Variants in ACACA observed in about 807,000 individuals in gnomAD.
The protein encoded by ACACA is acetyl-CoA carboxylase alpha.
In ACACA, 103 loss-of-function variants were observed where a neutral mutation model predicts 296.1. The observed-to-expected ratio is 0.35, with a 90% confidence interval of 0.30 to 0.41. The LOEUF is 0.41. Ranked by LOEUF, ACACA falls within the 10% of genes least tolerant of loss-of-function variation. The pLI, the probability that ACACA is intolerant of heterozygous loss-of-function variation, is 1.00. For missense variants in ACACA, 1,554 were observed against 2,989.7 expected (o/e 0.52, Z 11.20); for synonymous variants, 953 against 1,038.6 (o/e 0.92, Z 1.58).
intron 16 of ACACA, among the ~76,000 whole-genome samples, chr17:37,250,377 C>T (rs1030891793): frequency 1.3e-5 from 2 of 152,210 alleles, no homozygotes; most frequent in Non-Finnish European, 2.9e-5. Context: ...CAGTGGCTCA[C>T]GCCTCTAATT....
intron 3 of ACACA, chr17:37,299,859 G>C (rs1055458363): frequency 4.3e-6 from 4 of 938,002 alleles, no homozygotes; most frequent in Non-Finnish European, 5.1e-6. Context: ...AAATCCAGAG[G>C]GAGGAGCACA....
intron 30 of ACACA, 67 bp from the exon 31 acceptor site, chr17:37,207,867 T>C (rs1023261759): frequency 1.9e-6 from 3 of 1,575,686 alleles, no homozygotes; most frequent in Admixed American, 3.3e-5. Flanking sequence ...AAAGTAACAG[T>C]AGGGAAAAGG....
chr17:37,097,926 C>T lies in ACACA; in HGVS notation c.6624G>A (p.Arg2208=). ...RKELENKLKE[R]EEFLIPIYHQ... ...GGTAAATGGGAATTAGGAATTCCTC[C>T]CGCTCCTTCAACTTGTTCTCCAACT... Residue 2208 remains arginine (R), a synonymous_variant, in exon 53 of 56, where the codon CGG becomes CGA. Coordinates refer to ENST00000616317, the MANE Select transcript of ACACA (RefSeq NM_198834.3). This position sits in a 1 kb window ranked among gnomAD's most constrained non-coding sequence, Gnocchi z 4.8. 2 of 1,614,168 alleles carry T rather than the reference C, an allele frequency of 1.2e-6. No homozygotes were observed. Among genetic ancestry groups the T allele is most frequent in the Non-Finnish European group, 1.7e-6 (2 of 1,180,024 alleles).
At chr17:37,274,419 G>A in intron 8 of ACACA, 120 bp from the exon 9 acceptor site, 1 of 1,070,146 alleles carries the variant, frequency 9.3e-7, no homozygotes, top group South Asian at 1.3e-5. Context: ...ATGGGAGAAA[G>A]AAGGATGCCA....
At chr17:37,253,260 C>T (rs535627217) in intron 14 of ACACA, among the ~76,000 whole-genome samples, 21 of 152,048 alleles carry the variant, frequency 1.4e-4, no homozygotes, top group Admixed American at 4.6e-4. Context: ...GGCGTGGTGG[C>T]GGGCGCCTGT....
intron 10 of ACACA, among the ~76,000 whole-genome samples, chr17:37,267,619 G>A (rs1447266670): frequency 6.6e-6 from 1 of 151,904 alleles, no homozygotes; most frequent in East Asian, 1.9e-4. Flanking sequence ...GGAATGCAGT[G>A]GCATGACCAT....
chr17:37,254,309 G>A (rs2081127940), intron 14 of ACACA, among the ~76,000 whole-genome samples: 1 of 152,146 alleles, frequency 6.6e-6, no homozygotes. Context: ...AATTATAACT[G>A]TGAGAGGAAT....
At chr17:37,219,689 T>C (rs1213126990) in intron 29 of ACACA, among the ~76,000 whole-genome samples, 1 of 148,366 alleles carries the variant, frequency 6.7e-6, no homozygotes, top group East Asian at 1.9e-4. Context: ...ATTTTTCATA[T>C]ATATTATATA....
Position 37,274,190 on chromosome 17 carries a change from T to C in ACACA, c.1008+3A>G, listed in dbSNP as rs775227274. ...GTATCACTCCCTGGAGTTAGTAACCTACCTGTAGCCCATCATCCACATCTT... is the reference window on the plus strand; with the variant it reads ...GTATCACTCCCTGGAGTTAGTAACCCACCTGTAGCCCATCATCCACATCTT... On this transcript the variant is annotated splice_donor_region_variant and intron_variant, in intron 9 of 55. Coordinates refer to ENST00000616317, the MANE Select transcript of ACACA (RefSeq NM_198834.3). 1.2e-6 allele frequency: 2 copies of C among 1,610,618 alleles called. No individual in the cohort carries two copies. The highest frequency in any genetic ancestry group is 2.2e-5 in the South Asian group (2 of 91,014).
chr17:37,367,163 A>G (rs770558276), intron 1 of ACACA: 2 of 151,722 alleles, frequency 1.3e-5, no homozygotes, highest in Non-Finnish European at 2.9e-5. Context: ...TTATTTTCCA[A>G]CACAAGTCTT....
intron 3 of ACACA, among the ~76,000 whole-genome samples, chr17:37,314,588 A>G (rs2046995180): frequency 1.3e-5 from 2 of 151,460 alleles, no homozygotes; most frequent in South Asian, 4.2e-4. Flanking sequence ...CTCCACGACC[A>G]GAGGCTGTAA....
chr17:37,114,203 TAAAC>T (rs950783566), intron 50 of ACACA, among the ~76,000 whole-genome samples: 8 of 150,946 alleles, frequency 5.3e-5, no homozygotes, highest in Admixed American at 4.0e-4. Flanking sequence ...TAAAACAAAA[TAAAC>T]AAAAAACAAG....
At position 37,100,630 on chromosome 17, in the gene ACACA, C is replaced by CAA. The variant is rs35888166; in HGVS notation, c.6566-2648_6566-2647dup. 1.9e-3 allele frequency among the ~76,000 whole-genome samples: 197 copies of CAA among 105,398 alleles called. 1 individual carries two copies. Among genetic ancestry groups the CAA allele is most frequent in the South Asian group, 6.3e-3 (21 of 3,350 alleles). The allele number at this position is 105,398 out of a possible 152,430, so 69.1% of individuals were successfully genotyped here. ...TTAGATCAGATCTCAGACCGCCCCT[C>CAA]AAAAAAAAAAAAAAAAACTAAAAAG... On this transcript the variant is annotated intron_variant, in intron 52 of 55. Transcript: ENST00000616317.
chr17:37,134,165 A>G (rs867394258), intron 45 of ACACA, among the ~76,000 whole-genome samples: 14 of 152,362 alleles, frequency 9.2e-5, no homozygotes, highest in Middle Eastern at 6.8e-3. Context: ...TCATACGTCC[A>G]TGCTCAGGCC....
intron 31 of ACACA, among the ~76,000 whole-genome samples, chr17:37,207,200 A>G (rs1325116383): frequency 6.6e-6 from 1 of 152,230 alleles, no homozygotes; most frequent in Admixed American, 6.5e-5. Context: ...AGTAACAGAA[A>G]GTGTCTGGAA....
chr17:37,242,662 T>G (rs1370600089), intron 22 of ACACA, among the ~76,000 whole-genome samples: 3 of 151,942 alleles, frequency 2.0e-5, no homozygotes, highest in African/African-American at 7.3e-5. Flanking sequence ...GCCTATGGGG[T>G]CAAGGCTACA....
In ACACA at chr17:37,155,052, G is replaced by A. The variant is rs180855062; in HGVS notation, c.5447+631C>T. 3.1e-3 allele frequency among the ~76,000 whole-genome samples: 476 copies of A among 152,074 alleles called. 4 individuals are homozygous for A. The highest frequency in any genetic ancestry group is 0.026 in the Admixed American group (390 of 15,278). On this transcript the variant is annotated intron_variant, in intron 43 of 55. Coordinates refer to ENST00000616317, the MANE Select transcript of ACACA (RefSeq NM_198834.3). ...TAAAATCCTTAAAAATTGACTTTTC[G>A]ACCTGCAATTTCTCTTCTAGAAATT... is the stretch of plus-strand genomic sequence containing the variant.
intron 1 of ACACA, among the ~76,000 whole-genome samples, chr17:37,343,816 C>T (rs1207531956): frequency 6.7e-6 from 1 of 149,662 alleles, no homozygotes; most frequent in African/African-American, 2.5e-5. Context: ...TTGCCTTGTT[C>T]ACTTTGTCAT....
chr17:37,330,446 G>A (rs1568005603), intron 2 of ACACA, 21 bp from the exon 3 acceptor site: 1 of 1,613,870 alleles, frequency 6.2e-7, no homozygotes, highest in Admixed American at 1.7e-5. Context: ...AATGAAAAGT[G>A]AGAAAGGCAG....
Sources: allele counts gnomAD v4.1 joint callset (sites outside exome capture counted in the v4.1 genomes callset), GRCh38; gene constraint gnomAD v4.1.1; non-coding constraint Gnocchi (gnomAD v3.1); transcripts MANE v1.5; gene names NCBI Gene and HGNC (gene_info 2026-07-23, HGNC 2026-07-21).